FZD3: variants seen among roughly 807,000 people sequenced by gnomAD.
The protein encoded by FZD3 is frizzled class receptor 3.
Under a neutral mutation model 60.7 loss-of-function variants are expected in FZD3, and 30 were observed. That is an observed-to-expected ratio of 0.49 (90% CI 0.37 to 0.67). The LOEUF (loss-of-function observed/expected upper bound fraction) is 0.67. Among genes scored for constraint, FZD3 ranks in the 30% least tolerant of loss-of-function variants. The pLI is 0.00. For missense variants in FZD3, 605 were observed against 838.7 expected (o/e 0.72, Z 3.44); for synonymous variants, 246 against 275.2 (o/e 0.89, Z 1.05).
rs947806293 is a variant in FZD3, at chr8:28,566,837, G to T, written c.*3826G>T. The T allele has an allele frequency of 1.3e-5, 2 of 152,108 alleles. No homozygotes were observed. The highest frequency in any genetic ancestry group is 4.8e-5 in the African/African-American group (2 of 41,418). 9.4% of individuals were successfully genotyped at this position (152,108 alleles called of 1,614,324 possible). ...AAGACTCATGATGTCAACTGGGCTG[G>T]TCATTTTATTTCTCTGAGTCTTTGT... On this transcript the variant is annotated 3_prime_UTR_variant, in exon 8 of 8. Coordinates refer to ENST00000240093, the MANE Select transcript of FZD3 (RefSeq NM_017412.4).
In FZD3 at chr8:28,562,843, T is replaced by C. The variant is rs762820995; in HGVS notation, c.1833T>C (p.His611=). 1 of 1,613,558 alleles carries C rather than the reference T, an allele frequency of 6.2e-7. No individual in the cohort carries two copies. The highest frequency in any genetic ancestry group is 1.3e-5 in the African/African-American group (1 of 74,900). ...SYRGMEERLP[H]GSMSRLTDHS... is the part of the protein sequence containing the mutation. ...GAGGAATGGAGGAGAGACTACCTCA[T>C]GGCAGCATGTCACGACTAACAGATC... Residue 611 remains histidine (H), a synonymous_variant, in exon 8 of 8, where the codon CAT becomes CAC. Transcript: ENST00000240093.
At chr8:28,530,004 A>G (rs554461323) in intron 5 of FZD3, among the ~76,000 whole-genome samples, 1 of 152,182 alleles carries the variant, frequency 6.6e-6, no homozygotes, top group Non-Finnish European at 1.5e-5. Context: ...AAATCAGTAG[A>G]GTAGTTGAGA....
chr8:28,572,061 T>C lies in FZD3; in HGVS notation c.*9050T>C, dbSNP rs2130495160. 6.6e-6 allele frequency: 1 copy of C among 152,260 alleles called. No individual in the cohort carries two copies. The highest frequency in any genetic ancestry group is 2.1e-4 in the South Asian group (1 of 4,822). The allele number at this position is 152,260 out of a possible 1,614,324, so 9.4% of individuals were successfully genotyped here. A position where few individuals can be genotyped will look rare whatever the true frequency, so the allele number is the denominator to read the frequency against. On this transcript the variant is annotated 3_prime_UTR_variant, in exon 8 of 8. Coordinates refer to ENST00000240093, the MANE Select transcript of FZD3 (RefSeq NM_017412.4). ...TGAGGTGTTTTTTGAGGCTTTTTTG[T>C]TTTATCTTGTTTTCTTAACTTTTTA...
chr8:28,553,331 T>C (rs1038739252), intron 6 of FZD3, among the ~76,000 whole-genome samples: 1 of 152,324 alleles, frequency 6.6e-6, no homozygotes, highest in Non-Finnish European at 1.5e-5. Context: ...AATGATTTGA[T>C]AGCAAACAGA....
intron 5 of FZD3, among the ~76,000 whole-genome samples, chr8:28,530,874 A>G (rs1320183181): frequency 5.3e-5 from 8 of 152,146 alleles, no homozygotes; most frequent in Non-Finnish European, 7.4e-5. Flanking sequence ...CTTTAACTCA[A>G]CATTTTGTTT....
chr8:28,549,360 A>G (rs1200755819), intron 5 of FZD3, among the ~76,000 whole-genome samples: 1 of 152,212 alleles, frequency 6.6e-6, no homozygotes. Context: ...ATGGTAAATG[A>G]AGAATTTTCT....
chr8:28,521,487 C>T (rs1804578168), intron 4 of FZD3, among the ~76,000 whole-genome samples: 1 of 152,054 alleles, frequency 6.6e-6, no homozygotes, highest in Non-Finnish European at 1.5e-5. Flanking sequence ...CTATTATTAT[C>T]TAGCTTTGCC....
Position 28,527,634 on chromosome 8 carries a change from A to G in FZD3, c.874A>G (p.Ile292Val), listed in dbSNP as rs1373833544. ...TAAAGCCTGTACCATGCTTTTTATG[A>G]TACTCTATTTTTTTACTATGGCTGG... is the stretch of plus-strand genomic sequence containing the variant. ...HNKACTMLFM[I>V]LYFFTMAGSV... The change falls in exon 5 of 8, where the codon ATA (isoleucine) becomes GTA (valine). Residue 292 changes from isoleucine (I) to valine (V), a missense_variant. Physicochemically the swap from Ile to Val is conservative, Grantham distance 29 (BLOSUM62 3). Coordinates refer to ENST00000240093, the MANE Select transcript of FZD3 (RefSeq NM_017412.4). The surrounding 1 kb of genome is among the most constrained non-coding windows in gnomAD (Gnocchi z 5.0). 3 of 1,613,886 alleles carry G rather than the reference A, an allele frequency of 1.9e-6. No individual in the cohort carries two copies. Among genetic ancestry groups the G allele is most frequent in the Non-Finnish European group, 2.5e-6 (3 of 1,179,942 alleles).
chr8:28,527,445 A>T lies in FZD3; in HGVS notation c.685A>T (p.Thr229Ser), dbSNP rs1359408523. The T allele has an allele frequency of 6.2e-7, 1 of 1,613,560 alleles. No homozygotes were observed. The highest frequency in any genetic ancestry group is 8.5e-7 in the Non-Finnish European group (1 of 1,179,564). ...FTFLTFLIDVTRFRYPERPII... is the reference protein window; with the variant it reads ...FTFLTFLIDVSRFRYPERPII... Reference sequence around the variant, plus strand: ...TTTTTTAACTTTTTTGATTGATGTCACAAGATTCCGTTATCCTGAAAGGCC... The same window carrying T: ...TTTTTTAACTTTTTTGATTGATGTCTCAAGATTCCGTTATCCTGAAAGGCC... Residue 229 changes from threonine to serine, a missense_variant, in exon 5 of 8, where the codon ACA becomes TCA. Physicochemically the swap from Thr to Ser is moderately conservative, Grantham distance 58. Transcript: ENST00000240093. This position sits in a 1 kb window ranked among gnomAD's most constrained non-coding sequence, Gnocchi z 5.0.
rs1173339682 is a variant in FZD3 at position 28,568,398 on chromosome 8, G to A, written c.*5387G>A. On this transcript the variant is annotated 3_prime_UTR_variant, in exon 8 of 8. Coordinates refer to ENST00000240093, the MANE Select transcript of FZD3 (RefSeq NM_017412.4). ...CCGATTAGATGAATTTGGGAAAGGA[G>A]TAGGAAGACTAGGTATCGCATGCCT... The A allele has an allele frequency of 6.6e-6, 1 of 152,096 alleles. No homozygotes were observed. Among genetic ancestry groups the A allele is most frequent in the East Asian group, 1.9e-4 (1 of 5,194 alleles). 9.4% of individuals were successfully genotyped at this position (152,096 alleles called of 1,614,324 possible). A position where few individuals can be genotyped will look rare whatever the true frequency, so the allele number is the denominator to read the frequency against.
chr8:28,511,152 G>A (rs1031213983), intron 3 of FZD3, among the ~76,000 whole-genome samples: 3 of 151,952 alleles, frequency 2.0e-5, no homozygotes, highest in Non-Finnish European at 4.4e-5. Context: ...AGGAGTTTGA[G>A]ACCAGCCTGA....
chr8:28,536,359 A>G (rs1286039322), intron 5 of FZD3, among the ~76,000 whole-genome samples: 1 of 152,220 alleles, frequency 6.6e-6, no homozygotes, highest in Non-Finnish European at 1.5e-5. Flanking sequence ...TAGTACAGGC[A>G]GCTTAGCCAA....
chr8:28,532,339 C>T (rs1356742152), intron 5 of FZD3, among the ~76,000 whole-genome samples: 1 of 152,226 alleles, frequency 6.6e-6, no homozygotes, highest in South Asian at 2.1e-4. Context: ...GGGAACATTG[C>T]CATTTTTGCA....
chr8:28,528,237 TATC>T (rs1236437719), intron 5 of FZD3, 73 bp downstream of exon 5: 1 of 1,162,812 alleles, frequency 8.6e-7, no homozygotes, highest in Non-Finnish European at 1.2e-6. Flanking sequence ...AATGAGTTAA[TATC>T]AGCTGTTTTT....
intron 4 of FZD3, among the ~76,000 whole-genome samples, chr8:28,522,017 C>T (rs1804592956): frequency 6.6e-6 from 1 of 152,076 alleles, no homozygotes; most frequent in Middle Eastern, 3.2e-3. Context: ...AGTAAGTCCT[C>T]ACTTAACGTT....
At chr8:28,515,320 C>G (rs562901560) in intron 3 of FZD3, among the ~76,000 whole-genome samples, 1 of 152,060 alleles carries the variant, frequency 6.6e-6, no homozygotes, top group Non-Finnish European at 1.5e-5. Flanking sequence ...GGCAGAGTCT[C>G]GGGAGACTGA....
rs967605434 is a variant in FZD3 at position 28,565,316 on chromosome 8, T to C, written c.*2305T>C. On this transcript the variant is annotated 3_prime_UTR_variant, in exon 8 of 8. Transcript: ENST00000240093. Reference sequence around the variant, plus strand: ...AAGCAGGCAGGTCTGAATTCCCTCATAACCGACAATTAGTAAACATTTTCT... The same window carrying C: ...AAGCAGGCAGGTCTGAATTCCCTCACAACCGACAATTAGTAAACATTTTCT... 1 of 152,206 alleles carries C rather than the reference T, an allele frequency of 6.6e-6. No individual in the cohort carries two copies. The highest frequency in any genetic ancestry group is 2.4e-5 in the African/African-American group (1 of 41,466). The allele number at this position is 152,206 out of a possible 1,614,324, so 9.4% of individuals were successfully genotyped here. A position where few individuals can be genotyped will look rare whatever the true frequency, so the allele number is the denominator to read the frequency against.
rs536662141 is a variant in FZD3, at chr8:28,565,709, A to G, written c.*2698A>G. The G allele has an allele frequency of 6.6e-6, 1 of 152,292 alleles. No homozygotes were observed. Among genetic ancestry groups the G allele is most frequent in the Non-Finnish European group, 1.5e-5 (1 of 67,984 alleles). The allele number at this position is 152,292 out of a possible 1,614,324, so 9.4% of individuals were successfully genotyped here. On this transcript the variant is annotated 3_prime_UTR_variant, in exon 8 of 8. Coordinates refer to ENST00000240093, the MANE Select transcript of FZD3 (RefSeq NM_017412.4). ...GACTTTTCAGTTACTTTCAGTAAGTATCTTAATTTTGTCCCACAAAATTTA... is the reference window on the plus strand; with the variant it reads ...GACTTTTCAGTTACTTTCAGTAAGTGTCTTAATTTTGTCCCACAAAATTTA...
At chr8:28,497,760 C>G (rs1429528405) in intron 1 of FZD3, among the ~76,000 whole-genome samples, 6 of 152,170 alleles carry the variant, frequency 3.9e-5, no homozygotes, top group Non-Finnish European at 5.9e-5. Context: ...ACCCCTTTGA[C>G]AAGCCCTTAG....
Sources: gnomAD v4.1 joint callset for allele counts (sites outside exome capture counted in the v4.1 genomes callset) on GRCh38, gnomAD v4.1.1 for gene constraint, Gnocchi (gnomAD v3.1) non-coding constraint, MANE v1.5 for transcripts, NCBI Gene and HGNC (gene_info 2026-07-23, HGNC 2026-07-21) for gene names.